The following PCDH15 variants were observed in gnomAD, a reference collection of about 807,000 sequenced individuals.
PCDH15 encodes protocadherin-15.
PCDH15 carries 129 observed loss-of-function variants against 178.5 expected under a neutral mutation model. That is an observed-to-expected ratio of 0.72 (90% CI 0.63 to 0.84). The LOEUF is 0.84. Among genes scored for constraint, PCDH15 ranks in the 40% least tolerant of loss-of-function variants. The probability of loss-of-function intolerance (pLI) is 0.00; values close to 1 mark genes in which losing one functional copy is unlikely to be tolerated. For synonymous variants in PCDH15, 800 were observed against 732.0 expected (o/e 1.09, Z -1.50); for missense variants, 2,230 against 2,099.9 (o/e 1.06, Z -1.21).
intron 2 of PCDH15, among the ~76,000 whole-genome samples, chr10:54,633,182 G>C (rs1357477960): frequency 1.3e-5 from 2 of 151,976 alleles, no homozygotes; most frequent in East Asian, 3.9e-4. Flanking sequence ...TTTTTCAACA[G>C]AGTAACCTGA....
chr10:54,079,223 A>AGT, intron 17 of PCDH15, 108 bp downstream of exon 17: 1 of 1,053,666 alleles, frequency 9.5e-7, no homozygotes, highest in Non-Finnish European at 1.5e-6. Flanking sequence ...AATTATAAGA[A>AGT]GTTGCTCCAG....
intron 8 of PCDH15, among the ~76,000 whole-genome samples, chr10:54,258,114 A>G (rs556159849): frequency 6.6e-6 from 1 of 152,234 alleles, no homozygotes; most frequent in South Asian, 2.1e-4. Context: ...TTTTTACCCA[A>G]TATTTCAGAG....
At chr10:54,167,802 G>T (rs1243971318) in intron 13 of PCDH15, among the ~76,000 whole-genome samples, 1 of 150,428 alleles carries the variant, frequency 6.6e-6, no homozygotes, top group Non-Finnish European at 1.5e-5. Flanking sequence ...TCGTATCTCT[G>T]TGCCCCAATC....
chr10:55,545,658 G>A (rs534228251), intron 2 of PCDH15, among the ~76,000 whole-genome samples: 17 of 152,228 alleles, frequency 1.1e-4, no homozygotes, highest in South Asian at 2.1e-4. Context: ...TGATCCGCCC[G>A]CCTCAGCCTC....
intron 2 of PCDH15, among the ~76,000 whole-genome samples, chr10:55,409,246 C>T (rs1838276958): frequency 6.6e-6 from 1 of 152,010 alleles, no homozygotes; most frequent in South Asian, 2.1e-4. Flanking sequence ...CCGGTAGCAC[C>T]CCTAGTGAAC....
At chr10:54,252,803 G>A (rs745955001) in intron 8 of PCDH15, among the ~76,000 whole-genome samples, 8 of 151,142 alleles carry the variant, frequency 5.3e-5, no homozygotes, top group Non-Finnish European at 8.8e-5. Context: ...AACATTAGAC[G>A]GCCTTGCAGT....
At chr10:53,816,461 A>G (rs2076062588) in intron 34 of PCDH15, among the ~76,000 whole-genome samples, 184 bp from the exon 35 acceptor site, 1 of 152,228 alleles carries the variant, frequency 6.6e-6, no homozygotes, top group African/African-American at 2.4e-5. Context: ...ATATTGGAAC[A>G]TAAAATAAGA....
At chr10:54,133,132 A>G (rs2042586149) in intron 14 of PCDH15, 125 bp from the exon 15 acceptor site, 3 of 1,169,822 alleles carry the variant, frequency 2.6e-6, no homozygotes, top group Non-Finnish European at 3.7e-6. Flanking sequence ...GAAAAATAAT[A>G]CAATCAAAAT....
At chr10:54,493,248 G>A (rs947130677) in intron 3 of PCDH15, among the ~76,000 whole-genome samples, 19 of 152,104 alleles carry the variant, frequency 1.2e-4, no homozygotes, top group Middle Eastern at 3.4e-3. Flanking sequence ...GGCATCCACT[G>A]GGGGTCTTGG....
intron 20 of PCDH15, among the ~76,000 whole-genome samples, chr10:54,000,020 G>C (rs140028106): frequency 1.3e-5 from 2 of 152,136 alleles, no homozygotes; most frequent in African/African-American, 4.8e-5. Flanking sequence ...GTCTGGGAGA[G>C]AGCAAGGGAA....
At chr10:55,039,627 G>T (rs1840817697) in intron 2 of PCDH15, among the ~76,000 whole-genome samples, 1 of 152,046 alleles carries the variant, frequency 6.6e-6, no homozygotes, top group African/African-American at 2.4e-5. Context: ...AATTGAAAGA[G>T]AAATTTTAAT....
chr10:54,019,069 C>G (rs1032711269), intron 20 of PCDH15, among the ~76,000 whole-genome samples: 3 of 152,070 alleles, frequency 2.0e-5, no homozygotes, highest in Non-Finnish European at 4.4e-5. Flanking sequence ...TTTCCTCCCT[C>G]CACTGCCCTT....
In PCDH15 at chr10:54,199,567, C is replaced by CAAT. The variant is rs1408960891; in HGVS notation, c.1099-3679_1099-3678insATT. On this transcript the variant is annotated intron_variant, in intron 10 of 37. Transcript: ENST00000644397. ...AAATGTTGAATTTAAACAACAACAA[C>CAAT]AACAATAATAATAATAATAATAATA... 8.3e-3 allele frequency among the ~76,000 whole-genome samples: 743 copies of CAAT among 89,584 alleles called. 3 individuals are homozygous for CAAT. Among genetic ancestry groups the CAAT allele is most frequent in the African/African-American group, 0.02 (631 of 31,254 alleles). 58.8% of individuals were successfully genotyped at this position (89,584 alleles called of 152,430 possible).
intron 26 of PCDH15, among the ~76,000 whole-genome samples, chr10:53,897,867 C>G (rs776346566): frequency 7.9e-5 from 12 of 151,826 alleles, no homozygotes; most frequent in Non-Finnish European, 1.3e-4. Flanking sequence ...AATTTATTTC[C>G]CTTTAGGACT....
intron 29 of PCDH15, 43 bp from the exon 30 acceptor site, chr10:53,831,576 G>T: frequency 7.4e-7 from 1 of 1,354,116 alleles, no homozygotes; most frequent in Non-Finnish European, 1.0e-6. Flanking sequence ...TGCTAGCAGA[G>T]AAAGAGCATT....
chr10:54,209,693 A>C (rs1484043207), intron 10 of PCDH15, among the ~76,000 whole-genome samples: 3 of 152,142 alleles, frequency 2.0e-5, no homozygotes, highest in Admixed American at 1.3e-4. Flanking sequence ...CATCAGAAGT[A>C]AAATATGTCT....
chr10:54,422,651 A>G (rs1324813645), intron 3 of PCDH15, among the ~76,000 whole-genome samples: 1 of 152,170 alleles, frequency 6.6e-6, no homozygotes, highest in Non-Finnish European at 1.5e-5. Context: ...CCAGACATTG[A>G]CAAATATTCC....
At chr10:55,316,667 G>A (rs1430988362) in intron 1 of PCDH15, among the ~76,000 whole-genome samples, 1 of 151,986 alleles carries the variant, frequency 6.6e-6, no homozygotes, top group Non-Finnish European at 1.5e-5. Flanking sequence ...AGATACAGAG[G>A]CTGTTAATTC....
At chr10:55,118,990 G>A (rs1663854508) in intron 2 of PCDH15, among the ~76,000 whole-genome samples, 1 of 152,134 alleles carries the variant, frequency 6.6e-6, no homozygotes, top group Non-Finnish European at 1.5e-5. Flanking sequence ...GGTTGCTTGA[G>A]GACCATGCTC....
Sources: gnomAD v4.1 joint callset for allele counts (sites outside exome capture counted in the v4.1 genomes callset) on GRCh38, gnomAD v4.1.1 for gene constraint, MANE v1.5 for transcripts, NCBI Gene and HGNC (gene_info 2026-07-23, HGNC 2026-07-21) for gene names.